Variants in VDAC1 observed in about 807,000 individuals in gnomAD.
VDAC1 encodes the protein voltage dependent anion channel 1.
Under a neutral mutation model 34.7 loss-of-function variants are expected in VDAC1, and 10 were observed. That is an observed-to-expected ratio of 0.29 (90% CI 0.18 to 0.49). The LOEUF is 0.49. VDAC1 is among the 20% of genes least tolerant of loss of function. The probability of loss-of-function intolerance (pLI) is 0.99; values close to 1 mark genes in which losing one functional copy is unlikely to be tolerated. For synonymous variants in VDAC1, 130 were observed against 136.0 expected (o/e 0.96, Z 0.30); for missense variants, 230 against 347.9 (o/e 0.66, Z 2.69).
chr5:134,074,435 C>T, the VDAC1 span, among the ~76,000 whole-genome samples: 1 of 152,028 alleles, frequency 6.6e-6, no homozygotes, highest in Non-Finnish European at 1.5e-5. Context: ...GTTCTGTGAC[C>T]TCATGTCAGA....
At chr5:134,106,192 ACTTTCC>A in the VDAC1 span, among the ~76,000 whole-genome samples, 1 of 152,220 alleles carries the variant, frequency 6.6e-6, no homozygotes, top group Non-Finnish European at 1.5e-5. Flanking sequence ...TCTTGGGTCC[ACTTTCC>A]CTAATAATAG....
At chr5:134,093,350 C>T in the VDAC1 span, among the ~76,000 whole-genome samples, 6 of 146,660 alleles carry the variant, frequency 4.1e-5, no homozygotes, top group African/African-American at 8.1e-5. Context: ...CTGACACACA[C>T]GCATATAAGT....
At chr5:134,110,053 T>G in the VDAC1 span, among the ~76,000 whole-genome samples, 1 of 152,174 alleles carries the variant, frequency 6.6e-6, no homozygotes, top group Non-Finnish European at 1.5e-5. Flanking sequence ...TGTTTCCTTC[T>G]GGTGAGGGAA....
At chr5:134,096,778 G>A in the VDAC1 span, among the ~76,000 whole-genome samples, 1 of 152,044 alleles carries the variant, frequency 6.6e-6, no homozygotes, top group East Asian at 1.9e-4. Flanking sequence ...ATTTTATGTA[G>A]AGAGAGGGTT....
chr5:134,060,951 C>T, the VDAC1 span, among the ~76,000 whole-genome samples: 1 of 136,404 alleles, frequency 7.3e-6, no homozygotes, highest in African/African-American at 2.8e-5. Context: ...GATCAGCTCA[C>T]TGCAACCTCC....
chr5:134,010,720 T>C, the VDAC1 span, among the ~76,000 whole-genome samples: 1 of 152,146 alleles, frequency 6.6e-6, no homozygotes, highest in African/African-American at 2.4e-5. Context: ...AGGCAAACTA[T>C]GGTAAGTACA....
intron 5 of VDAC1, among the ~76,000 whole-genome samples, chr5:133,984,742 C>T (rs1484533992): frequency 1.3e-5 from 2 of 152,082 alleles, no homozygotes; most frequent in Non-Finnish European, 1.5e-5. Flanking sequence ...TCAAGACCAG[C>T]CTGGCCAACA....
chr5:134,101,542 G>A, the VDAC1 span, among the ~76,000 whole-genome samples: 3 of 151,234 alleles, frequency 2.0e-5, no homozygotes, highest in East Asian at 1.9e-4. Context: ...CTGGGTGACC[G>A]AGCGAGACTC....
chr5:134,039,546 G>C, the VDAC1 span, among the ~76,000 whole-genome samples: 1,206 of 152,116 alleles, frequency 7.9e-3, 7 homozygotes, highest in Middle Eastern at 0.017. Flanking sequence ...AGCCAGGATG[G>C]TCTCGATCTG....
the VDAC1 span, among the ~76,000 whole-genome samples, chr5:134,103,591 A>T: frequency 6.6e-6 from 1 of 152,200 alleles, no homozygotes; most frequent in Non-Finnish European, 1.5e-5. Flanking sequence ...GTGGGCACAA[A>T]GGAAAGGCCC....
upstream of VDAC1, among the ~76,000 whole-genome samples, chr5:134,007,302 G>A (rs569604960): frequency 2.0e-5 from 3 of 152,002 alleles, no homozygotes; most frequent in Non-Finnish European, 4.4e-5. Context: ...AGGCTCAGAG[G>A]CACATGTGGG....
At chr5:133,974,267 C>T (rs187850790) in intron 7 of VDAC1, among the ~76,000 whole-genome samples, 35 of 152,284 alleles carry the variant, frequency 2.3e-4, no homozygotes, top group African/African-American at 7.2e-4. Flanking sequence ...ATGAGATTCC[C>T]TCATTTCACC....
At chr5:134,103,933 C>T in the VDAC1 span, among the ~76,000 whole-genome samples, 4 of 152,324 alleles carry the variant, frequency 2.6e-5, no homozygotes, top group Admixed American at 1.3e-4. Context: ...AAGGCAGGCT[C>T]ATCTCTGAGG....
chr5:134,048,267 CT>C, the VDAC1 span, among the ~76,000 whole-genome samples: 16 of 149,322 alleles, frequency 1.1e-4, no homozygotes, highest in South Asian at 1.7e-3. Context: ...CGCACCAGGC[CT>C]TTTTTTTTTC....
the VDAC1 span, among the ~76,000 whole-genome samples, chr5:134,091,282 A>T: frequency 6.6e-6 from 1 of 152,154 alleles, no homozygotes; most frequent in Non-Finnish European, 1.5e-5. Flanking sequence ...TCCCACCCAC[A>T]TCCTTCCCCC....
intron 5 of VDAC1, among the ~76,000 whole-genome samples, chr5:133,990,415 A>G (rs1236457665): frequency 2.0e-5 from 3 of 152,232 alleles, no homozygotes; most frequent in African/African-American, 4.8e-5. Flanking sequence ...TGAAATGGCT[A>G]TTACTGAACA....
chr5:134,017,986 G>C, the VDAC1 span, among the ~76,000 whole-genome samples: 1,154 of 152,360 alleles, frequency 7.6e-3, 11 homozygotes, highest in African/African-American at 0.026. Flanking sequence ...GACTGACGTA[G>C]ATGGGCTTAT....
chr5:134,080,769 G>A, the VDAC1 span, among the ~76,000 whole-genome samples: 1 of 152,134 alleles, frequency 6.6e-6, no homozygotes, highest in Non-Finnish European at 1.5e-5. Context: ...CTTTATTGAG[G>A]TATAATCGAA....
the VDAC1 span, among the ~76,000 whole-genome samples, chr5:134,064,342 G>A: frequency 6.6e-6 from 1 of 151,664 alleles, no homozygotes; most frequent in Non-Finnish European, 1.5e-5. Flanking sequence ...GTCTTATTCT[G>A]TCACCCAGGC....
Sources: allele counts gnomAD v4.1 joint callset (sites outside exome capture counted in the v4.1 genomes callset), GRCh38; gene constraint gnomAD v4.1.1; transcripts MANE v1.5; gene names NCBI Gene and HGNC (gene_info 2026-07-23, HGNC 2026-07-21).